The following SH3TC2 variants were observed in gnomAD, a reference collection of about 807,000 sequenced individuals.
SH3TC2 encodes the protein SH3 domain and tetratricopeptide repeat-containing protein 2.
A neutral mutation model predicts 124.5 loss-of-function variants in SH3TC2; 87 were observed. That is an observed-to-expected ratio of 0.70 (90% CI 0.59 to 0.84). SH3TC2 has a LOEUF of 0.84. Among genes scored for constraint, SH3TC2 ranks in the 40% least tolerant of loss-of-function variants. The pLI, the probability that SH3TC2 is intolerant of heterozygous loss-of-function variation, is 0.00. For missense variants in SH3TC2, 1,536 were observed against 1,566.4 expected (o/e 0.98, Z 0.33); for synonymous variants, 634 against 628.5 (o/e 1.01, Z -0.13).
rs1754093141 is a variant in SH3TC2 at position 149,027,576 on chromosome 5, G to C, written c.2156C>G (p.Thr719Ser). The C allele has an allele frequency of 6.2e-7, 1 of 1,614,164 alleles. No homozygotes were observed. Among genetic ancestry groups the C allele is most frequent in the Non-Finnish European group, 8.5e-7 (1 of 1,180,068 alleles). Residue 719 changes from threonine to serine, a missense_variant, in exon 11 of 17, where the codon ACC (threonine) becomes AGC (serine). Coordinates refer to ENST00000515425, the MANE Select transcript of SH3TC2 (RefSeq NM_024577.4). ...TGGGGAAGGAAAGCCAAGGAGCTTG[G>C]TTGTGTTCTGGAGGACAAGGTGGAC... ...WQVHLVLQNT[T>S]KLLGFPSPGW...
intron 1 of SH3TC2, among the ~76,000 whole-genome samples, chr5:149,056,014 T>A (rs1371801543): frequency 6.6e-6 from 1 of 152,204 alleles, no homozygotes; most frequent in Non-Finnish European, 1.5e-5. Flanking sequence ...TTGTGAAAAG[T>A]CACCACACTG....
intron 3 of SH3TC2, chr5:149,044,887 T>C (rs566920836): frequency 1.1e-4 from 47 of 434,324 alleles, no homozygotes; most frequent in Non-Finnish European, 1.9e-4. Flanking sequence ...TGTACTGATA[T>C]AGGCTCCAGA....
chr5:148,993,114 C>G lies in SH3TC2; in HGVS notation c.*11597G>C, dbSNP rs537928032. 6.6e-6 allele frequency among the ~76,000 whole-genome samples: 1 copy of G among 152,142 alleles called. No individual in the cohort carries two copies. Among genetic ancestry groups the G allele is most frequent in the South Asian group, 2.1e-4 (1 of 4,832 alleles). On this transcript the variant is annotated 3_prime_UTR_variant, in exon 17 of 17. Coordinates refer to ENST00000515425, the MANE Select transcript of SH3TC2 (RefSeq NM_024577.4). Reference sequence around the variant, plus strand: ...ACGCTTAAGGTGATTAGGCATTTGTCCCTCACCGTTTCGATTGAAATAATC... The same window carrying G: ...ACGCTTAAGGTGATTAGGCATTTGTGCCTCACCGTTTCGATTGAAATAATC...
rs1753296767 is a variant in SH3TC2 at position 148,984,139 on chromosome 5, C to T, written c.*20572G>A. ...AGATAGGCTTTGTGTCCCTTTATCT[C>T]TCTCTTCTCTTTCTGAAATTGCATT... On this transcript the variant is annotated 3_prime_UTR_variant, in exon 17 of 17. Transcript: ENST00000515425. Among the ~76,000 whole-genome samples, 1 of 152,142 alleles carries T rather than the reference C, an allele frequency of 6.6e-6. No individual in the cohort carries two copies. Among genetic ancestry groups the T allele is most frequent in the African/African-American group, 2.4e-5 (1 of 41,444 alleles).
chr5:149,029,091 A>G (rs1754137026), intron 9 of SH3TC2, among the ~76,000 whole-genome samples: 1 of 152,210 alleles, frequency 6.6e-6, no homozygotes, highest in Admixed American at 6.5e-5. Context: ...CAAATCTCTC[A>G]GCGAGTTCAC....
At chr5:149,049,380 A>C (rs1206669672) in intron 2 of SH3TC2, among the ~76,000 whole-genome samples, 2 of 152,130 alleles carry the variant, frequency 1.3e-5, no homozygotes, top group African/African-American at 2.4e-5. Context: ...CCCCTCAATA[A>C]ATGTGCCACC....
intron 15 of SH3TC2, 166 bp from the exon 16 acceptor site, chr5:149,007,243 C>T: frequency 1.4e-6 from 1 of 695,930 alleles, no homozygotes; most frequent in Non-Finnish European, 2.6e-6. Context: ...AGCTTATTGT[C>T]TCACATGACA....
intron 8 of SH3TC2, among the ~76,000 whole-genome samples, chr5:149,032,425 G>C (rs1022247039): frequency 6.6e-6 from 1 of 152,196 alleles, no homozygotes; most frequent in Non-Finnish European, 1.5e-5. Flanking sequence ...AAGTGCCTTA[G>C]AAGCTACTGG....
chr5:149,051,379 A>G (rs1251141737), intron 2 of SH3TC2, among the ~76,000 whole-genome samples: 3 of 152,244 alleles, frequency 2.0e-5, no homozygotes, highest in Non-Finnish European at 4.4e-5. Context: ...CCTACTACAT[A>G]TAAAGTACTA....
chr5:149,023,315 G>A (rs951066885), intron 12 of SH3TC2, among the ~76,000 whole-genome samples: 18 of 152,198 alleles, frequency 1.2e-4, no homozygotes, highest in African/African-American at 3.9e-4. Flanking sequence ...ATTTTTAAAC[G>A]AGAAAAGCAA....
At chr5:149,040,452 A>C in intron 7 of SH3TC2, 152 bp downstream of exon 7, 1 of 731,252 alleles carries the variant, frequency 1.4e-6, no homozygotes, top group Non-Finnish European at 2.4e-6. Context: ...AGGGAAAACC[A>C]TGTGCACAGA....
Position 149,028,528 on chromosome 5 carries a change from C to G in SH3TC2, c.1204G>C (p.Val402Leu), listed in dbSNP as rs549821020. Residue 402 changes from valine (V) to leucine (L), a missense_variant, in exon 11 of 17, where the codon GTC becomes CTC. By Grantham distance (32) the Val-to-Leu change is conservative. Coordinates refer to ENST00000515425, the MANE Select transcript of SH3TC2 (RefSeq NM_024577.4). ...TCCTCCCAGGCTCTGCCAGGCCTGA[C>G]CTCCTTGAAACCTTCAGGCTGGGAT... is the stretch of plus-strand genomic sequence containing the variant. ...SASQPEGFKE[V>L]RPGRAWEEHQ... The G allele has an allele frequency of 1.1e-5, 18 of 1,613,990 alleles. No individual in the cohort carries two copies. Among genetic ancestry groups the G allele is most frequent in the Non-Finnish European group, 1.4e-5 (17 of 1,179,926 alleles).
intron 9 of SH3TC2, among the ~76,000 whole-genome samples, chr5:149,029,591 G>A (rs927062907): frequency 6.6e-6 from 1 of 152,000 alleles, no homozygotes; most frequent in Non-Finnish European, 1.5e-5. Context: ...GGGAGTAGGG[G>A]GAGTTTGTTA....
chr5:149,054,210 AAAAGAAAAAATAT>A lies in SH3TC2; in HGVS notation c.53-1983_53-1971del, dbSNP rs1351417258. 3.9e-5 allele frequency among the ~76,000 whole-genome samples: 6 copies of A among 152,328 alleles called. No homozygotes were observed. In the South Asian group the frequency reaches 1.2e-3, roughly 32 times the overall value. ...AAAAATTAAAAATAATAAAGGAATAAAAAGAAAAAATATTGCTTCATCCTTAGAGATTCAGATT... is the reference window on the plus strand; with the variant it reads ...AAAAATTAAAAATAATAAAGGAATAATGCTTCATCCTTAGAGATTCAGATT... On this transcript the variant is annotated intron_variant, in intron 1 of 16. Transcript: ENST00000515425.
In SH3TC2 at chr5:148,994,310, T is replaced by C. The variant is rs563989985; in HGVS notation, c.*10401A>G. ...ATGTGTTATGTGAATAACTATACAATGCAATTACTTCTTGCAGGTAGGAGA... is the reference window on the plus strand; with the variant it reads ...ATGTGTTATGTGAATAACTATACAACGCAATTACTTCTTGCAGGTAGGAGA... On this transcript the variant is annotated 3_prime_UTR_variant, in exon 17 of 17. Coordinates refer to ENST00000515425, the MANE Select transcript of SH3TC2 (RefSeq NM_024577.4). Among the ~76,000 whole-genome samples, 2 of 152,346 alleles carry C rather than the reference T, an allele frequency of 1.3e-5. No homozygotes were observed. Among genetic ancestry groups the C allele is most frequent in the Non-Finnish European group, 2.9e-5 (2 of 68,034 alleles).
Position 148,990,623 on chromosome 5 carries a change from T to C in SH3TC2, c.*14088A>G, listed in dbSNP as rs550732988. 1.1e-4 allele frequency among the ~76,000 whole-genome samples: 17 copies of C among 152,304 alleles called. No individual in the cohort carries two copies. In the East Asian group the frequency reaches 3.3e-3, roughly 29 times the overall value. On this transcript the variant is annotated 3_prime_UTR_variant, in exon 17 of 17. Transcript: ENST00000515425. Reference sequence around the variant, plus strand: ...TGAACTTCTCCAAGACCTTGTTTCCTCACCTATAAAATGGGCATGTTAATA... The same window carrying C: ...TGAACTTCTCCAAGACCTTGTTTCCCCACCTATAAAATGGGCATGTTAATA...
Position 148,984,711 on chromosome 5 carries a change from G to A in SH3TC2, c.*20000C>T, listed in dbSNP as rs1228528164. On this transcript the variant is annotated 3_prime_UTR_variant, in exon 17 of 17. Transcript: ENST00000515425. Reference sequence around the variant, plus strand: ...TCCACATTTGCTTAGATGTTTAGTGGGTATTCCAACCCTCAAAGAGCTGTG... The same window carrying A: ...TCCACATTTGCTTAGATGTTTAGTGAGTATTCCAACCCTCAAAGAGCTGTG... 6.6e-6 allele frequency among the ~76,000 whole-genome samples: 1 copy of A among 152,026 alleles called. No homozygotes were observed. Among genetic ancestry groups the A allele is most frequent in the Non-Finnish European group, 1.5e-5 (1 of 68,002 alleles).
chr5:149,027,606 C>T lies in SH3TC2; in HGVS notation c.2126G>A (p.Trp709Ter), dbSNP rs778592196. The T allele has an allele frequency of 1.9e-6, 3 of 1,614,236 alleles. No individual in the cohort carries two copies. The highest frequency in any genetic ancestry group is 1.1e-5 in the South Asian group (1 of 91,088). ...QSAQGMSLPI[W>*]QVHLVLQNTT... ...GTTCTGGAGGACAAGGTGGACCTGC[C>T]AAATAGGAAGAGACATCCCTTGGGC... is the stretch of plus-strand genomic sequence containing the variant. Residue 709 changes from tryptophan to a stop codon, truncating the protein, a stop_gained, in exon 11 of 17, where the codon TGG becomes TAG. Coordinates refer to ENST00000515425, the MANE Select transcript of SH3TC2 (RefSeq NM_024577.4). LOFTEE classifies it high-confidence loss of function.
intron 8 of SH3TC2, among the ~76,000 whole-genome samples, chr5:149,033,194 C>A (rs1204866781): frequency 1.3e-5 from 2 of 152,114 alleles, no homozygotes; most frequent in Non-Finnish European, 2.9e-5. Context: ...TGCATTGCCT[C>A]ACAACATCTG....
Sources: allele counts gnomAD v4.1 joint callset (sites outside exome capture counted in the v4.1 genomes callset), GRCh38; gene constraint gnomAD v4.1.1; transcripts MANE v1.5; gene names NCBI Gene and HGNC (gene_info 2026-07-23, HGNC 2026-07-21).